The following SYT17 variants were observed in gnomAD, a reference collection of about 807,000 sequenced individuals.
SYT17 encodes synaptotagmin-17.
SYT17 carries 22 observed loss-of-function variants against 46.7 expected under a neutral mutation model. The ratio of observed to expected loss-of-function variants is 0.47; its 90% CI spans 0.34 to 0.67. The LOEUF (loss-of-function observed/expected upper bound fraction) is 0.67, where lower values mean the gene tolerates loss of function less well. Ranked by LOEUF, SYT17 falls within the 30% of genes least tolerant of loss-of-function variation. The probability of loss-of-function intolerance (pLI) is 0.01; values close to 1 mark genes in which losing one functional copy is unlikely to be tolerated. For missense variants in SYT17, 519 were observed against 612.8 expected (o/e 0.85, Z 1.62); for synonymous variants, 251 against 248.4 (o/e 1.01, Z -0.10).
chr16:19,238,897 A>G (rs3785351), intron 7 of SYT17, among the ~76,000 whole-genome samples: 73,995 of 152,014 alleles, frequency 0.49, 18,754 homozygotes, highest in East Asian at 0.77. Context: ...AACCAAGAGT[A>G]TGCTTTCAGA....
At chr16:19,236,295 C>T (rs894750419) in intron 7 of SYT17, among the ~76,000 whole-genome samples, 2 of 152,174 alleles carry the variant, frequency 1.3e-5, no homozygotes, top group African/African-American at 4.8e-5. Flanking sequence ...TTATCATGAA[C>T]CACCTGTATG....
intron 4 of SYT17, 103 bp downstream of exon 4, chr16:19,180,642 C>T: frequency 2.1e-6 from 3 of 1,422,670 alleles, no homozygotes; most frequent in Non-Finnish European, 2.9e-6. Context: ...GGGAGGGCGG[C>T]AGAGTGGGAT....
At chr16:19,203,838 G>T (rs956620641) in intron 5 of SYT17, among the ~76,000 whole-genome samples, 2 of 152,222 alleles carry the variant, frequency 1.3e-5, no homozygotes, top group African/African-American at 4.8e-5. Context: ...GCTGTGGGTG[G>T]GCTGCGCATG....
chr16:19,201,439 T>G (rs894594853), intron 5 of SYT17, among the ~76,000 whole-genome samples: 1 of 152,122 alleles, frequency 6.6e-6, no homozygotes. Context: ...GACCACCAGC[T>G]GACTCCTGTA....
chr16:19,214,875 C>T (rs150471495), intron 5 of SYT17, among the ~76,000 whole-genome samples: 55 of 152,166 alleles, frequency 3.6e-4, no homozygotes, highest in African/African-American at 7.9e-4. Flanking sequence ...CTGAAACTTC[C>T]GCCTTCTGGG....
rs776917236 is a variant in SYT17 at position 19,180,376 on chromosome 16, C to A, written c.183-15C>A. 10 of 1,613,950 alleles carry A rather than the reference C, an allele frequency of 6.2e-6. No individual in the cohort carries two copies. The East Asian group carries it at 2.2e-4, about 36-fold the overall frequency. ...GATTCCTGGACAGCTACTGAGACCT[C>A]TTCCCTTCCTATAGGATGGCCAGCC... On this transcript the variant is annotated splice_polypyrimidine_tract_variant and intron_variant, in intron 3 of 7. Transcript: ENST00000355377.
chr16:19,190,600 T>G (rs193192439), intron 5 of SYT17, among the ~76,000 whole-genome samples: 131 of 152,254 alleles, frequency 8.6e-4, no homozygotes, highest in African/African-American at 2.9e-3. Context: ...CAACCATCAT[T>G]CTACTTTCTA....
intron 7 of SYT17, among the ~76,000 whole-genome samples, chr16:19,245,351 G>A (rs74011551): frequency 0.043 from 6,495 of 152,130 alleles, 509 homozygotes; most frequent in African/African-American, 0.15. Context: ...CCCTCACAAC[G>A]GAAAATCATC....
chr16:19,217,556 A>G (rs1966143330), intron 5 of SYT17, among the ~76,000 whole-genome samples: 1 of 152,194 alleles, frequency 6.6e-6, no homozygotes, highest in Non-Finnish European at 1.5e-5. Flanking sequence ...TGAATGAATA[A>G]CCTACCATTG....
intron 5 of SYT17, among the ~76,000 whole-genome samples, chr16:19,203,266 G>A (rs1965534882): frequency 1.3e-5 from 2 of 151,910 alleles, no homozygotes; most frequent in Admixed American, 1.3e-4. Context: ...CGAGGAGGCT[G>A]GATCACTTGA....
chr16:19,222,973 A>T (rs1966377376), intron 5 of SYT17, 72 bp from the exon 6 acceptor site: 2 of 1,589,430 alleles, frequency 1.3e-6, no homozygotes, highest in Non-Finnish European at 1.7e-6. Flanking sequence ...TGCTGCAATC[A>T]ATTTCTTGTA....
rs1402930252 is a variant in SYT17, at chr16:19,210,613, GAGA to G, written c.952-12427_952-12425del. ...GACAAAGACTGGGAAAAAAAGTGAA[GAGA>G]AGAAAGAAGAAGAAAGAAAAGGAAG... On this transcript the variant is annotated intron_variant, in intron 5 of 7. Transcript: ENST00000355377. Among the ~76,000 whole-genome samples, 2 of 151,854 alleles carry G rather than the reference GAGA, an allele frequency of 1.3e-5. 1 individual carries two copies. The highest frequency in any genetic ancestry group is 2.9e-5 in the Non-Finnish European group (2 of 68,006).
intron 7 of SYT17, among the ~76,000 whole-genome samples, chr16:19,247,984 GA>G (rs1420474763): frequency 6.6e-6 from 1 of 152,066 alleles, no homozygotes; most frequent in East Asian, 1.9e-4. Context: ...ATCCAACAAA[GA>G]GCCCATATCC....
intron 5 of SYT17, among the ~76,000 whole-genome samples, chr16:19,195,204 T>C (rs1965185889): frequency 6.6e-6 from 1 of 152,160 alleles, no homozygotes; most frequent in South Asian, 2.1e-4. Context: ...TTGTGTGAAC[T>C]ATTATTATCA....
rs1965870064 is a variant in SYT17 at position 19,210,782 on chromosome 16, T to TA, written c.952-12261dup. On this transcript the variant is annotated intron_variant, in intron 5 of 7. Coordinates refer to ENST00000355377, the MANE Select transcript of SYT17 (RefSeq NM_016524.4). ...TATCCAACCGGTGAGAGCAAAGGCA[T>TA]AAGGGGGCGCAGAGCAGCTGTGTTT... Among the ~76,000 whole-genome samples, 3 of 152,262 alleles carry TA rather than the reference T, an allele frequency of 2.0e-5. No individual in the cohort carries two copies. In the South Asian group the frequency reaches 6.2e-4, roughly 32 times the overall value.
At chr16:19,212,234 A>G (rs915531489) in intron 5 of SYT17, among the ~76,000 whole-genome samples, 1 of 152,184 alleles carries the variant, frequency 6.6e-6, no homozygotes, top group Non-Finnish European at 1.5e-5. Flanking sequence ...AGAATGCTCC[A>G]GCCCAAAGTG....
chr16:19,185,723 C>T (rs148343138), intron 5 of SYT17, among the ~76,000 whole-genome samples: 6 of 152,348 alleles, frequency 3.9e-5, no homozygotes, highest in African/African-American at 1.4e-4. Context: ...GGCCCCTGTG[C>T]TCCCTCACCT....
At chr16:19,236,832 C>G (rs1012288816) in intron 7 of SYT17, among the ~76,000 whole-genome samples, 1 of 152,196 alleles carries the variant, frequency 6.6e-6, no homozygotes, top group Non-Finnish European at 1.5e-5. Flanking sequence ...TACTGAGCCT[C>G]AATCACATAC....
chr16:19,173,685 A>G (rs1252267056), intron 3 of SYT17, 107 bp downstream of exon 3: 2 of 1,260,072 alleles, frequency 1.6e-6, no homozygotes, highest in East Asian at 5.0e-5. Context: ...ATTTGGGGGC[A>G]TGAAAGAGAA....
Sources: allele counts gnomAD v4.1 joint callset (sites outside exome capture counted in the v4.1 genomes callset), GRCh38; gene constraint gnomAD v4.1.1; transcripts MANE v1.5; gene names NCBI Gene and HGNC (gene_info 2026-07-23, HGNC 2026-07-21).